PREX1: variants seen among roughly 807,000 people sequenced by gnomAD.
The protein encoded by PREX1 is phosphatidylinositol-3,4,5-trisphosphate dependent Rac exchange factor 1, also known as phosphatidylinositol 3,4,5-trisphosphate-dependent Rac exchanger 1 protein.
PREX1 carries 41 observed loss-of-function variants against 198.3 expected under a neutral mutation model. The ratio of observed to expected loss-of-function variants is 0.21; its 90% CI spans 0.16 to 0.27. PREX1 has a LOEUF of 0.27. PREX1 is among the 10% of genes least tolerant of loss of function. The probability of loss-of-function intolerance (pLI) is 1.00; values close to 1 mark genes in which losing one functional copy is unlikely to be tolerated. For missense variants in PREX1, 1,620 were observed against 2,200.7 expected, an observed-to-expected ratio of 0.74 and a Z score of 5.28; for synonymous variants, 843 against 887.2, an observed-to-expected ratio of 0.95 and a Z score of 0.89.
At chr20:48,626,074 T>C (rs1329244921) in intron 39 of PREX1, 147 bp from the exon 40 acceptor site, 1 of 873,970 alleles carries the variant, frequency 1.1e-6, no homozygotes, top group East Asian at 3.2e-5. Context: ...ATATCTATGC[T>C]GTCCATGCCT....
the PREX1 span, among the ~76,000 whole-genome samples, chr20:48,876,859 T>C: frequency 0.13 from 20,344 of 152,182 alleles, 1,447 homozygotes; most frequent in Non-Finnish European, 0.16. Flanking sequence ...TCAGAACCAT[T>C]GGGGTATCTG....
intron 7 of PREX1, among the ~76,000 whole-genome samples, chr20:48,696,638 T>C (rs201001508): frequency 1.4e-4 from 20 of 145,312 alleles, no homozygotes; most frequent in East Asian, 4.0e-4. Flanking sequence ...CATACATACA[T>C]ACACACATAC....
the PREX1 span, among the ~76,000 whole-genome samples, chr20:48,843,596 C>A: frequency 6.6e-6 from 1 of 152,224 alleles, no homozygotes; most frequent in African/African-American, 2.4e-5. Flanking sequence ...TGCTCAAGCA[C>A]CTTCACTGGC....
At chr20:48,779,260 G>A (rs916967951) in intron 1 of PREX1, among the ~76,000 whole-genome samples, 13 of 152,310 alleles carry the variant, frequency 8.5e-5, no homozygotes, top group South Asian at 8.3e-4. Flanking sequence ...CATCATTAGC[G>A]ATTAGGAGAA....
intron 15 of PREX1, among the ~76,000 whole-genome samples, chr20:48,660,543 G>A (rs540735619): frequency 1.2e-4 from 19 of 152,296 alleles, no homozygotes; most frequent in Middle Eastern, 3.4e-3. Flanking sequence ...ATGGATTAAA[G>A]ACCTACGTAT....
intron 1 of PREX1, among the ~76,000 whole-genome samples, chr20:48,788,553 C>T (rs1049496729): frequency 2.6e-5 from 4 of 152,160 alleles, no homozygotes; most frequent in African/African-American, 7.2e-5. Flanking sequence ...ATTCTTTGTA[C>T]GTTGAGCCCC....
At chr20:48,849,372 T>A in the PREX1 span, 1 of 152,156 alleles carries the variant, frequency 6.6e-6, no homozygotes, top group Non-Finnish European at 1.5e-5. Flanking sequence ...ATATATATAG[T>A]ATTGTTTTGT....
intron 1 of PREX1, among the ~76,000 whole-genome samples, chr20:48,824,477 C>T (rs1401748132): frequency 5.9e-5 from 9 of 152,188 alleles, no homozygotes; most frequent in Non-Finnish European, 1.3e-4. Flanking sequence ...CTGATCACCC[C>T]TGCTCTCTGG....
chr20:48,690,644 C>T (rs73148016), intron 9 of PREX1, among the ~76,000 whole-genome samples: 23,800 of 152,088 alleles, frequency 0.16, 2,178 homozygotes, highest in Middle Eastern at 0.28. Context: ...AAACCTCAGG[C>T]GGAGGGCACA....
intron 19 of PREX1, among the ~76,000 whole-genome samples, chr20:48,653,983 T>C (rs2089522614): frequency 1.3e-5 from 2 of 152,220 alleles, no homozygotes; most frequent in Admixed American, 1.3e-4. Context: ...GTTTTTTTTG[T>C]AGTTCATGTG....
chr20:48,787,260 C>G (rs912320985), intron 1 of PREX1, among the ~76,000 whole-genome samples: 2 of 151,986 alleles, frequency 1.3e-5, no homozygotes, highest in Non-Finnish European at 2.9e-5. Flanking sequence ...CTGCTTCCCC[C>G]GATCCCAGGA....
Position 48,634,660 on chromosome 20 carries a change from G to A in PREX1, c.4267+16C>T. The A allele has an allele frequency of 6.2e-7, 1 of 1,612,040 alleles. No individual in the cohort carries two copies. The highest frequency in any genetic ancestry group is 8.5e-7 in the Non-Finnish European group (1 of 1,178,194). On this transcript the variant is annotated intron_variant, in intron 33 of 39. Coordinates refer to ENST00000371941, the MANE Select transcript of PREX1 (RefSeq NM_020820.4). ...GACCCCACCTCTCACAGTGGGGGAT[G>A]GGAGAAATCACTCACTGGCCACATA...
intron 6 of PREX1, among the ~76,000 whole-genome samples, chr20:48,702,463 T>C (rs963012425): frequency 6.6e-6 from 1 of 152,252 alleles, no homozygotes; most frequent in African/African-American, 2.4e-5. Context: ...TCTTCCCTGG[T>C]ACTTGGCTGC....
upstream of PREX1, among the ~76,000 whole-genome samples, chr20:48,830,099 C>T (rs1244356924): frequency 6.6e-6 from 1 of 152,154 alleles, no homozygotes; most frequent in Non-Finnish European, 1.5e-5. Context: ...CACAGTGGCT[C>T]CGGCCTCTAA....
chr20:48,685,289 C>T (rs1331267955), intron 10 of PREX1, among the ~76,000 whole-genome samples: 1 of 152,236 alleles, frequency 6.6e-6, no homozygotes, highest in African/African-American at 2.4e-5. Flanking sequence ...CCTCCCAGGA[C>T]ACCCTCCACA....
intron 1 of PREX1, among the ~76,000 whole-genome samples, chr20:48,762,121 A>G (rs2090183202): frequency 6.6e-6 from 1 of 152,214 alleles, no homozygotes; most frequent in Non-Finnish European, 1.5e-5. Context: ...CAGGGCAGAC[A>G]TCACTAATGG....
At chr20:48,781,989 A>T (rs2090291872) in intron 1 of PREX1, among the ~76,000 whole-genome samples, 1 of 152,228 alleles carries the variant, frequency 6.6e-6, no homozygotes. Flanking sequence ...ACAGATGGTG[A>T]TGAATTTGTA....
At chr20:48,665,961 C>A (rs904687549) in intron 15 of PREX1, among the ~76,000 whole-genome samples, 2 of 152,194 alleles carry the variant, frequency 1.3e-5, no homozygotes, top group Non-Finnish European at 2.9e-5. Context: ...CGGAGGCCTT[C>A]GGGCCAGGCC....
In PREX1 at chr20:48,624,268, A is replaced by T. The variant is rs2089251129; in HGVS notation, c.*1617T>A. On this transcript the variant is annotated 3_prime_UTR_variant, in exon 40 of 40. Transcript: ENST00000371941. ...GCCTCGTTCTTTGTATTATAAACTG[A>T]CTTTTAATAATAATAAAAAATCTAT... 6.6e-6 allele frequency: 1 copy of T among 151,026 alleles called. No homozygotes were observed. Among genetic ancestry groups the T allele is most frequent in the Admixed American group, 6.6e-5 (1 of 15,068 alleles). The allele number at this position is 151,026 out of a possible 1,614,324, so 9.4% of individuals were successfully genotyped here.
Sources: allele counts gnomAD v4.1 joint callset (sites outside exome capture counted in the v4.1 genomes callset), GRCh38; gene constraint gnomAD v4.1.1; transcripts MANE v1.5; gene names NCBI Gene and HGNC (gene_info 2026-07-23, HGNC 2026-07-21).